TGM6: variants seen among roughly 807,000 people sequenced by gnomAD.
TGM6 encodes protein-glutamine gamma-glutamyltransferase 6.
TGM6 carries 74 observed loss-of-function variants against 77.5 expected under a neutral mutation model. The ratio of observed to expected loss-of-function variants is 0.96; its 90% CI spans 0.79 to 1.16. TGM6 has a LOEUF of 1.16. TGM6 is among the 50% of genes most tolerant of loss of function. TGM6 has a pLI of 0.00. For synonymous variants in TGM6, 383 were observed against 378.9 expected (o/e 1.01, Z -0.12); for missense variants, 968 against 940.2 (o/e 1.03, Z -0.39).
chr20:2,392,301 T>C (rs2084633994), intron 1 of TGM6, among the ~76,000 whole-genome samples: 1 of 152,196 alleles, frequency 6.6e-6, no homozygotes, highest in African/African-American at 2.4e-5. Flanking sequence ...ACTCAACTCT[T>C]TCCTGGAGAC....
At chr20:2,425,697 T>G (rs990593978) in intron 10 of TGM6, among the ~76,000 whole-genome samples, 1 of 152,198 alleles carries the variant, frequency 6.6e-6, no homozygotes, top group African/African-American at 2.4e-5. Flanking sequence ...CATAAACTTT[T>G]TTATGTCATG....
rs1303065873 is a variant in TGM6, at chr20:2,432,483, C to T, written c.1968-7C>T. On this transcript the variant is annotated splice_region_variant and splice_polypyrimidine_tract_variant and intron_variant, in intron 12 of 12. Transcript: ENST00000202625. ...CAGTCTGCCTTTCTCCCCTCCCCTTCCTCCAGCGTGCCTACCCTGGAGCCT... is the reference window on the plus strand; with the variant it reads ...CAGTCTGCCTTTCTCCCCTCCCCTTTCTCCAGCGTGCCTACCCTGGAGCCT... 1 of 1,613,926 alleles carries T rather than the reference C, an allele frequency of 6.2e-7. No individual in the cohort carries two copies. Among genetic ancestry groups the T allele is most frequent in the East Asian group, 2.2e-5 (1 of 44,878 alleles).
At chr20:2,386,559 A>G (rs1401288453) in intron 1 of TGM6, among the ~76,000 whole-genome samples, 1 of 152,160 alleles carries the variant, frequency 6.6e-6, no homozygotes, top group East Asian at 1.9e-4. Context: ...AGGGCTTTCT[A>G]ACATTGGGCG....
intron 1 of TGM6, 107 bp downstream of exon 1, chr20:2,381,082 C>A: frequency 6.8e-7 from 1 of 1,469,298 alleles, no homozygotes; most frequent in Non-Finnish European, 9.4e-7. Context: ...TAGGATTTTA[C>A]AGCTGGATAG....
rs539194680 is a variant in TGM6 at position 2,395,064 on chromosome 20, G to A, written c.182-130G>A. 41 of 1,450,866 alleles carry A rather than the reference G, an allele frequency of 2.8e-5. No homozygotes were observed. The African/African-American group carries it at 4.5e-4, about 16-fold the overall frequency. The allele number at this position is 1,450,866 out of a possible 1,614,324, so 89.9% of individuals were successfully genotyped here. A position where few individuals can be genotyped will look rare whatever the true frequency, so the allele number is the denominator to read the frequency against. The stretch of plus-strand genomic sequence containing the variant: ...CACTGGCCTTCTTGCTCTTTGTCAG[G>A]TCCTTCTCCCAAAGCCTCCCAGAAG... On this transcript the variant is annotated intron_variant, in intron 2 of 12. Coordinates refer to ENST00000202625, the MANE Select transcript of TGM6 (RefSeq NM_198994.3).
At chr20:2,382,053 ACAGGTATT>A (rs1438060956) in intron 1 of TGM6, among the ~76,000 whole-genome samples, 3 of 152,244 alleles carry the variant, frequency 2.0e-5, no homozygotes, top group Non-Finnish European at 4.4e-5. Flanking sequence ...TCCTACACTC[ACAGGTATT>A]CAAGGGGTGT....
At chr20:2,424,765 C>A (rs1478435469) in intron 10 of TGM6, among the ~76,000 whole-genome samples, 1 of 152,208 alleles carries the variant, frequency 6.6e-6, no homozygotes, top group African/African-American at 2.4e-5. Context: ...GCCTTCCTCA[C>A]TAAGCTTAAT....
rs562062418 is a variant in TGM6, at chr20:2,399,595, G to C, written c.707G>C (p.Gly236Ala). 1 of 1,613,474 alleles carries C rather than the reference G, an allele frequency of 6.2e-7. No homozygotes were observed. The highest frequency in any genetic ancestry group is 1.3e-5 in the African/African-American group (1 of 75,040). The change falls in exon 6 of 13, where the codon GGA becomes GCA. Residue 236 changes from glycine to alanine, a missense_variant. By Grantham distance (60) the Gly-to-Ala change is moderately conservative (BLOSUM62 0). Transcript: ENST00000202625. ...AACAACGACCGAGGTGTGGTGCAAG[G>C]ACAGTGGCAGGGCAAGTACGGCGGC... ...NSNNDRGVVQ[G>A]QWQGKYGGGT...
At chr20:2,410,961 T>C (rs1436955113) in intron 9 of TGM6, among the ~76,000 whole-genome samples, 1 of 152,208 alleles carries the variant, frequency 6.6e-6, no homozygotes, top group Non-Finnish European at 1.5e-5. Context: ...TAATAGTTCA[T>C]AATGAACTAG....
In TGM6 at chr20:2,385,615, T is replaced by A. The variant is rs372791147; in HGVS notation, c.7+4640T>A. Among the ~76,000 whole-genome samples, 24 of 152,064 alleles carry A rather than the reference T, an allele frequency of 1.6e-4. No individual in the cohort carries two copies. In the East Asian group the frequency reaches 4.3e-3, roughly 27 times the overall value. ...TTCTCACTCTGTGGAAGGAAAGAAG[T>A]TAAGAAGGAAAGGCAGGCTTTGGAA... On this transcript the variant is annotated intron_variant, in intron 1 of 12. Coordinates refer to ENST00000202625, the MANE Select transcript of TGM6 (RefSeq NM_198994.3).
chr20:2,397,371 A>T (rs1051226909), intron 4 of TGM6, among the ~76,000 whole-genome samples: 4 of 152,126 alleles, frequency 2.6e-5, no homozygotes, highest in African/African-American at 9.7e-5. Flanking sequence ...GGAGTCACGC[A>T]CTGCCCTGCA....
At chr20:2,402,914 C>T (rs2084721184) in intron 7 of TGM6, among the ~76,000 whole-genome samples, 1 of 152,176 alleles carries the variant, frequency 6.6e-6, no homozygotes, top group Non-Finnish European at 1.5e-5. Flanking sequence ...CATGCTGTTC[C>T]TTCTTTCTAG....
chr20:2,387,372 G>A (rs2084603236), intron 1 of TGM6, among the ~76,000 whole-genome samples: 1 of 152,232 alleles, frequency 6.6e-6, no homozygotes, highest in African/African-American at 2.4e-5. Flanking sequence ...CCCTGGAACT[G>A]TTGTTCCAGC....
At chr20:2,414,933 T>G (rs2084804909) in intron 9 of TGM6, among the ~76,000 whole-genome samples, 3 of 70,792 alleles carry the variant, frequency 4.2e-5, no homozygotes, top group African/African-American at 1.8e-4. Flanking sequence ...GTTACAGAAT[T>G]TGGGGGGGGG....
chr20:2,413,489 T>C (rs1038137660), intron 9 of TGM6, among the ~76,000 whole-genome samples: 8 of 152,290 alleles, frequency 5.3e-5, no homozygotes, highest in Admixed American at 2.0e-4. Flanking sequence ...AATGGACATA[T>C]AGATCAAAGA....
At chr20:2,410,940 T>G (rs1304875483) in intron 9 of TGM6, among the ~76,000 whole-genome samples, 1 of 151,906 alleles carries the variant, frequency 6.6e-6, no homozygotes, top group Admixed American at 6.6e-5. Context: ...TCACAACAAG[T>G]AAAAAACTAG....
chr20:2,400,561 T>A, intron 7 of TGM6, 117 bp downstream of exon 7: 1 of 1,479,862 alleles, frequency 6.8e-7, no homozygotes, highest in South Asian at 1.2e-5. Context: ...CTCTCCTGAA[T>A]CTGAGCCGGC....
chr20:2,382,540 T>C (rs1224708495), intron 1 of TGM6, among the ~76,000 whole-genome samples: 1 of 152,254 alleles, frequency 6.6e-6, no homozygotes, highest in East Asian at 1.9e-4. Flanking sequence ...GGTTCCTCTC[T>C]CTGAAGCTCT....
At chr20:2,396,391 C>T (rs1324248478) in intron 3 of TGM6, 115 bp from the exon 4 acceptor site, 3 of 1,028,168 alleles carry the variant, frequency 2.9e-6, no homozygotes, top group Non-Finnish European at 3.1e-6. Context: ...CTTGACCTCT[C>T]CTGCCCCAGT....
Sources: gnomAD v4.1 joint callset for allele counts (sites outside exome capture counted in the v4.1 genomes callset) on GRCh38, gnomAD v4.1.1 for gene constraint, MANE v1.5 for transcripts, NCBI Gene and HGNC (gene_info 2026-07-23, HGNC 2026-07-21) for gene names.